KSR2: variants seen among roughly 807,000 people sequenced by gnomAD.
The protein encoded by KSR2 is kinase suppressor of ras 2.
In KSR2, 25 loss-of-function variants were observed where a neutral mutation model predicts 107.8. The observed-to-expected ratio is 0.23, with a 90% CI of 0.17 to 0.32. KSR2 has a LOEUF of 0.32. Among genes scored for constraint, KSR2 ranks in the 10% least tolerant of loss-of-function variants. The probability of loss-of-function intolerance (pLI) is 1.00; values close to 1 mark genes in which losing one functional copy is unlikely to be tolerated. For synonymous variants in KSR2, 480 were observed against 507.0 expected (o/e 0.95, Z 0.71); for missense variants, 887 against 1,268.9 (o/e 0.70, Z 4.57).
At chr12:117,886,978 C>A (rs993831042) in intron 1 of KSR2, among the ~76,000 whole-genome samples, 1 of 152,130 alleles carries the variant, frequency 6.6e-6, no homozygotes, top group African/African-American at 2.4e-5. Flanking sequence ...GGCTGGAATG[C>A]AGTGGTGTGA....
At chr12:117,888,148 T>A in intron 1 of KSR2, among the ~76,000 whole-genome samples, 1 of 152,176 alleles carries the variant, frequency 6.6e-6, no homozygotes, top group African/African-American at 2.4e-5. Context: ...CTACCAGCAT[T>A]CTTCAGTTTT....
chr12:117,887,690 C>T (rs1399529729), intron 1 of KSR2, among the ~76,000 whole-genome samples: 1 of 152,204 alleles, frequency 6.6e-6, no homozygotes, highest in Non-Finnish European at 1.5e-5. Context: ...CTCAGTGGCT[C>T]ATCAGCAGTA....
chr12:117,705,241 A>T (rs1886476590), intron 4 of KSR2, among the ~76,000 whole-genome samples: 1 of 152,192 alleles, frequency 6.6e-6, no homozygotes, highest in South Asian at 2.1e-4. Flanking sequence ...CTAAGACCAT[A>T]CTAGAGAGCA....
chr12:117,527,051 C>T lies in KSR2; in HGVS notation c.1851+20G>A, dbSNP rs1875218846. ...GGGCAGTCCCTGGAAAATGTCGCTT[C>T]ACTGCTCTCTGATTCTCACCTCCGA... On this transcript the variant is annotated intron_variant, in intron 13 of 19. Coordinates refer to ENST00000339824, the MANE Select transcript of KSR2 (RefSeq NM_173598.6). 1 of 1,611,702 alleles carries T rather than the reference C, an allele frequency of 6.2e-7. No homozygotes were observed. Among genetic ancestry groups the T allele is most frequent in the African/African-American group, 1.3e-5 (1 of 74,854 alleles).
At position 117,842,136 on chromosome 12, in the gene KSR2, G is replaced by C. The variant is rs1447209003; in HGVS notation, c.472+13292C>G. ...CCGGACTGGCTGAAGCAGGAACTCT[G>C]GGAGTGGAACCCTCTGGGGGATTCT... On this transcript the variant is annotated intron_variant, in intron 3 of 19. Transcript: ENST00000339824. This position sits in a 1 kb window ranked among gnomAD's most constrained non-coding sequence, Gnocchi z 4.2. 1.3e-5 allele frequency among the ~76,000 whole-genome samples: 2 copies of C among 152,256 alleles called. No homozygotes were observed. The highest frequency in any genetic ancestry group is 4.8e-5 in the African/African-American group (2 of 41,478).
At chr12:117,686,986 G>T (rs1387518284) in intron 4 of KSR2, among the ~76,000 whole-genome samples, 1 of 152,160 alleles carries the variant, frequency 6.6e-6, no homozygotes. Flanking sequence ...TGGCTGGCTG[G>T]GTGCCCAGGG....
At chr12:117,706,671 C>T (rs552841701) in intron 4 of KSR2, among the ~76,000 whole-genome samples, 2 of 152,020 alleles carry the variant, frequency 1.3e-5, no homozygotes, top group Non-Finnish European at 2.9e-5. Context: ...TGGATTAAGA[C>T]AAAGGTTGCT....
intron 4 of KSR2, among the ~76,000 whole-genome samples, chr12:117,698,553 T>C (rs993384567): frequency 6.6e-6 from 1 of 152,086 alleles, no homozygotes; most frequent in Non-Finnish European, 1.5e-5. Context: ...CTCAAACACC[T>C]GGGCCCAAGC....
intron 14 of KSR2, among the ~76,000 whole-genome samples, chr12:117,501,167 A>C (rs764572027): frequency 6.6e-6 from 1 of 152,244 alleles, no homozygotes; most frequent in Non-Finnish European, 1.5e-5. Flanking sequence ...ATTATATGAA[A>C]TTCAAATGTC....
chr12:117,778,100 T>G (rs1331769735), intron 3 of KSR2, among the ~76,000 whole-genome samples: 1 of 152,182 alleles, frequency 6.6e-6, no homozygotes, highest in Non-Finnish European at 1.5e-5. Context: ...TTAATAAATA[T>G]TTGTGGAATG....
chr12:117,456,174 G>A lies in KSR2; in HGVS notation c.*11025C>T, dbSNP rs1870607394. ...AAGAAGGAGCCAGGCAAAGATTTAT[G>A]CATCACACAGTTGGGCAGAAGCCTG... is the stretch of plus-strand genomic sequence containing the variant. On this transcript the variant is annotated 3_prime_UTR_variant, in exon 20 of 20. Coordinates refer to ENST00000339824, the MANE Select transcript of KSR2 (RefSeq NM_173598.6). The A allele has an allele frequency of 1.3e-5, 2 of 152,392 alleles. No individual in the cohort carries two copies. The highest frequency in any genetic ancestry group is 2.1e-4 in the South Asian group (1 of 4,824). 9.4% of individuals were successfully genotyped at this position (152,392 alleles called of 1,614,324 possible).
rs576287129 is a variant in KSR2, at chr12:117,845,021, C to CTGTAGT, written c.472+10401_472+10406dup. 1.2e-3 allele frequency among the ~76,000 whole-genome samples: 186 copies of CTGTAGT among 152,270 alleles called. 3 individuals are homozygous for CTGTAGT. The East Asian group carries it at 0.032, about 26-fold the overall frequency. ...ATTAGCCAGGCGTGGTGGCGGGTGCCTGTAGTCCCAGCTACTTGGGAGGCT... is the reference window on the plus strand; with the variant it reads ...ATTAGCCAGGCGTGGTGGCGGGTGCCTGTAGTTGTAGTCCCAGCTACTTGGGAGGCT... On this transcript the variant is annotated intron_variant, in intron 3 of 19. Transcript: ENST00000339824.
In KSR2 at chr12:117,458,172, A is replaced by C. The variant is rs1870710817; in HGVS notation, c.*9027T>G. On this transcript the variant is annotated 3_prime_UTR_variant, in exon 20 of 20. Coordinates refer to ENST00000339824, the MANE Select transcript of KSR2 (RefSeq NM_173598.6). The stretch of plus-strand genomic sequence containing the variant: ...GTTGGTGAAGAAATCTCTGTCAGAG[A>C]GGACAGAGGTTCACTGAATTCCAGA... 6.6e-6 allele frequency: 1 copy of C among 152,202 alleles called. No homozygotes were observed. Among genetic ancestry groups the C allele is most frequent in the Non-Finnish European group, 1.5e-5 (1 of 68,034 alleles). 9.4% of individuals were successfully genotyped at this position (152,202 alleles called of 1,614,324 possible). A position where few individuals can be genotyped will look rare whatever the true frequency, so the allele number is the denominator to read the frequency against.
intron 5 of KSR2, among the ~76,000 whole-genome samples, chr12:117,585,525 G>C (rs891604101): frequency 6.6e-6 from 1 of 152,164 alleles, no homozygotes; most frequent in South Asian, 2.1e-4. Flanking sequence ...CCTCCACACA[G>C]CTTCCTACGT....
At chr12:117,695,093 C>A (rs987695337) in intron 4 of KSR2, among the ~76,000 whole-genome samples, 5 of 152,080 alleles carry the variant, frequency 3.3e-5, no homozygotes, top group Non-Finnish European at 5.9e-5. Flanking sequence ...TTGTGATCTG[C>A]CCGCCTCGGC....
intron 1 of KSR2, among the ~76,000 whole-genome samples, chr12:117,946,580 T>C (rs560087659): frequency 1.3e-5 from 2 of 152,084 alleles, no homozygotes; most frequent in Admixed American, 6.6e-5. Flanking sequence ...GAAATTGAAT[T>C]TGTAGTTAAA....
chr12:117,840,999 C>CAA (rs11452478), intron 3 of KSR2, among the ~76,000 whole-genome samples: 305 of 140,588 alleles, frequency 2.2e-3, no homozygotes, highest in Non-Finnish European at 3.1e-3. Context: ...GATTCTGTCT[C>CAA]AAAAAAAAAA....
chr12:117,825,704 A>T (rs1203634395), intron 3 of KSR2, among the ~76,000 whole-genome samples: 1 of 152,090 alleles, frequency 6.6e-6, no homozygotes, highest in East Asian at 1.9e-4. Context: ...GGTTCAGTCC[A>T]CAAAGGCAGG....
chr12:117,773,775 CTT>C, intron 3 of KSR2, among the ~76,000 whole-genome samples: 1 of 152,156 alleles, frequency 6.6e-6, no homozygotes, highest in Non-Finnish European at 1.5e-5. Flanking sequence ...AGAGACAAAA[CTT>C]TTAGACACTG....
Sources: gnomAD v4.1 joint callset for allele counts (sites outside exome capture counted in the v4.1 genomes callset) on GRCh38, gnomAD v4.1.1 for gene constraint, Gnocchi (gnomAD v3.1) non-coding constraint, MANE v1.5 for transcripts, NCBI Gene and HGNC (gene_info 2026-07-23, HGNC 2026-07-21) for gene names.